The following COG1 variants were observed in gnomAD, a reference collection of about 807,000 sequenced individuals.
The protein encoded by COG1 is component of oligomeric golgi complex 1.
In COG1, 61 loss-of-function variants were observed where a neutral mutation model predicts 102.2. The ratio of observed to expected loss-of-function variants is 0.60; its 90% CI spans 0.49 to 0.74. The LOEUF is 0.74. COG1 is among the 30% of genes least tolerant of loss of function. The pLI, the probability that COG1 is intolerant of heterozygous loss-of-function variation, is 0.00. For synonymous variants in COG1, 454 were observed against 493.6 expected, an observed-to-expected ratio of 0.92 and a Z score of 1.06; for missense variants, 1,164 against 1,232.1, an observed-to-expected ratio of 0.94 and a Z score of 0.83.
chr17:73,197,254 A>G lies in COG1; in HGVS notation c.771A>G (p.Ser257=), dbSNP rs1421383084. Residue 257 remains serine, a synonymous_variant, in exon 4 of 14, where the codon TCA becomes TCG. Transcript: ENST00000299886. ...HGAGIKAQIC[S]LVELLATTLK... ...CTGGTATCAAGGCTCAGATTTGCTC[A>G]TTAGTGGAGTTGCTGGCCACCACTC... The G allele has an allele frequency of 1.2e-6, 2 of 1,614,222 alleles. No homozygotes were observed. The highest frequency in any genetic ancestry group is 1.7e-6 in the Non-Finnish European group (2 of 1,180,046).
chr17:73,201,701 G>C lies in COG1; in HGVS notation c.1874G>C (p.Cys625Ser). 1 of 1,614,206 alleles carries C rather than the reference G, an allele frequency of 6.2e-7. No homozygotes were observed. The highest frequency in any genetic ancestry group is 8.5e-7 in the Non-Finnish European group (1 of 1,180,032). Residue 625 changes from cysteine to serine, a missense_variant, in exon 7 of 14, where the codon TGC becomes TCC. By Grantham distance (112) the Cys-to-Ser change is moderately radical (BLOSUM62 -1). Coordinates refer to ENST00000299886, the MANE Select transcript of COG1 (RefSeq NM_018714.3). The stretch of plus-strand genomic sequence containing the variant: ...CTCTGCCAGTCCCTGGGAGAGCTGT[G>C]CCCCCATCTGAAGCAGTGCATCCTG... ...ARLCQSLGEL[C>S]PHLKQCILGK...
At chr17:73,204,344 A>G (rs1171328315) in intron 9 of COG1, among the ~76,000 whole-genome samples, 1 of 152,034 alleles carries the variant, frequency 6.6e-6, no homozygotes, top group African/African-American at 2.4e-5. Context: ...TGGTTTCCTC[A>G]CTTGTAAAAG....
At chr17:73,198,885 G>C (rs1022745398) in intron 4 of COG1, among the ~76,000 whole-genome samples, 2 of 152,220 alleles carry the variant, frequency 1.3e-5, no homozygotes, top group Admixed American at 1.3e-4. Context: ...AGAAGAGTGC[G>C]GTGGTGGCCA....
chr17:73,197,568 C>T (rs1266240455), intron 4 of COG1, among the ~76,000 whole-genome samples, 172 bp downstream of exon 4: 2 of 152,244 alleles, frequency 1.3e-5, no homozygotes, highest in Non-Finnish European at 2.9e-5. Context: ...AGGTATCAGA[C>T]TCACAAATAT....
intron 13 of COG1, 111 bp downstream of exon 13, chr17:73,207,367 C>A: frequency 1.0e-6 from 1 of 995,430 alleles, no homozygotes; most frequent in Non-Finnish European, 1.6e-6. Context: ...TGACAAAATG[C>A]ACTAATGCTG....
In COG1 at chr17:73,207,450, C is replaced by T. The variant is rs143089798; in HGVS notation, c.2805+194C>T. On this transcript the variant is annotated intron_variant, in intron 13 of 13. Transcript: ENST00000299886. ...GCTACTAGAAGGTGTAAAAGATGCC[C>T]GCTGACACTACCAAGTAGCCTCTTA... 2.9e-4 allele frequency: 203 copies of T among 701,408 alleles called. No individual in the cohort carries two copies. The African/African-American group carries it at 3.0e-3, about 10-fold the overall frequency. The allele number at this position is 701,408 out of a possible 1,614,324, so 43.4% of individuals were successfully genotyped here. A position where few individuals can be genotyped will look rare whatever the true frequency, so the allele number is the denominator to read the frequency against.
At position 73,193,371 on chromosome 17, in the gene COG1, C is replaced by T; in HGVS notation, c.302C>T (p.Pro101Leu). Residue 101 changes from proline to leucine, a missense_variant, in exon 1 of 14, where the codon CCG becomes CTG. Transcript: ENST00000299886. ...GCCGGCTCGGCCGCGCCCCGGCCAC[C>T]GCGGGCCCAGCAGGTCAGTCCCCGT... ...RQAGSAAPRP[P>L]RAQQPQQPSQ... The T allele has an allele frequency of 6.7e-7, 1 of 1,490,292 alleles. No individual in the cohort carries two copies. Among genetic ancestry groups the T allele is most frequent in the South Asian group, 1.3e-5 (1 of 75,582 alleles). 92.3% of individuals were successfully genotyped at this position (1,490,292 alleles called of 1,614,324 possible).
At position 73,193,145 on chromosome 17, in the gene COG1, G is replaced by T; in HGVS notation, c.76G>T (p.Gly26Ter). 1.2e-6 allele frequency: 2 copies of T among 1,609,842 alleles called. No homozygotes were observed. The highest frequency in any genetic ancestry group is 1.7e-6 in the Non-Finnish European group (2 of 1,178,816). Residue 26 changes from glycine (G) to a stop codon, truncating the protein, a stop_gained, in exon 1 of 14, where the codon GGA (glycine) becomes TGA (stop). Coordinates refer to ENST00000299886, the MANE Select transcript of COG1 (RefSeq NM_018714.3). LOFTEE classifies it high-confidence loss of function. ...RDPAALFETH[G>*]AEEIRGLERQ... ...CCCTGCGGCTCTTTTCGAGACGCAT[G>T]GAGCGGAGGAGATCCGCGGGCTGGA...
rs376440233 is a variant in COG1 at position 73,200,595 on chromosome 17, C to T, written c.1100C>T (p.Thr367Ile). 2 of 1,614,124 alleles carry T rather than the reference C, an allele frequency of 1.2e-6. No homozygotes were observed. The highest frequency in any genetic ancestry group is 1.7e-6 in the Non-Finnish European group (2 of 1,180,018). Residue 367 changes from threonine (T) to isoleucine (I), a missense_variant, in exon 6 of 14, where the codon ACC (threonine) becomes ATC (isoleucine). Transcript: ENST00000299886. ...MCNEDIKNGITNLLMYVKSMK... is the reference protein window; with the variant it reads ...MCNEDIKNGIINLLMYVKSMK... ...AATGAAGACATTAAAAATGGGATCA[C>T]CAACCTGCTCATGTACGTGAAGAGC... is the stretch of plus-strand genomic sequence containing the variant.
In COG1 at chr17:73,200,550, C is replaced by T. The variant is rs1313857543; in HGVS notation, c.1071-16C>T. 6.2e-7 allele frequency: 1 copy of T among 1,609,396 alleles called. No individual in the cohort carries two copies. Among genetic ancestry groups the T allele is most frequent in the African/African-American group, 1.3e-5 (1 of 74,920 alleles). On this transcript the variant is annotated splice_polypyrimidine_tract_variant and intron_variant, in intron 5 of 13. Coordinates refer to ENST00000299886, the MANE Select transcript of COG1 (RefSeq NM_018714.3). Reference sequence around the variant, plus strand: ...CATGCCTCTGATGGAGCCCAAAGAACATGATTCTGTTGCAGGTGTAATGAA... The same window carrying T: ...CATGCCTCTGATGGAGCCCAAAGAATATGATTCTGTTGCAGGTGTAATGAA...
chr17:73,193,164 G>A lies in COG1; in HGVS notation c.95G>A (p.Gly32Glu). 2 of 1,608,416 alleles carry A rather than the reference G, an allele frequency of 1.2e-6. No individual in the cohort carries two copies. Among genetic ancestry groups the A allele is most frequent in the South Asian group, 1.1e-5 (1 of 90,092 alleles). ...FETHGAEEIR[G>E]LERQVRAEIE... ...ACGCATGGAGCGGAGGAGATCCGCG[G>A]GCTGGAGCGCCAGGTTCGGGCCGAG... Residue 32 changes from glycine (G) to glutamate (E), a missense_variant, in exon 1 of 14, where the codon GGG becomes GAG. Gly to Glu is a moderately conservative substitution (Grantham distance 98). Coordinates refer to ENST00000299886, the MANE Select transcript of COG1 (RefSeq NM_018714.3).
At chr17:73,200,432 A>G in intron 5 of COG1, 134 bp from the exon 6 acceptor site, 1 of 913,720 alleles carries the variant, frequency 1.1e-6, no homozygotes, top group Non-Finnish European at 1.8e-6. Context: ...CAGGTCTATC[A>G]ACACTGAGAC....
Position 73,193,222 on chromosome 17 carries a change from G to A in COG1, c.153G>A (p.Met51Ile), listed in dbSNP as rs976164079. ...IEHKKEELRQ[M>I]VGERYRDLIE... ...ACAAGAAGGAGGAGCTGCGGCAGAT[G>A]GTGGGCGAACGGTACCGCGACCTGA... The change falls in exon 1 of 14, where the codon ATG (methionine) becomes ATA (isoleucine). Residue 51 changes from methionine (M) to isoleucine (I), a missense_variant. Physicochemically the swap from Met to Ile is conservative, Grantham distance 10. Coordinates refer to ENST00000299886, the MANE Select transcript of COG1 (RefSeq NM_018714.3). 14 of 1,609,024 alleles carry A rather than the reference G, an allele frequency of 8.7e-6. No homozygotes were observed. Among genetic ancestry groups the A allele is most frequent in the African/African-American group, 1.3e-5 (1 of 74,980 alleles).
At chr17:73,197,765 C>G (rs2061331376) in intron 4 of COG1, among the ~76,000 whole-genome samples, 1 of 152,120 alleles carries the variant, frequency 6.6e-6, no homozygotes, top group African/African-American at 2.4e-5. Context: ...GGCTTTCAGG[C>G]AAAGGGAAGA....
chr17:73,197,518 G>T, intron 4 of COG1, 122 bp downstream of exon 4: 2 of 1,044,380 alleles, frequency 1.9e-6, no homozygotes, highest in Non-Finnish European at 2.9e-6. Flanking sequence ...GACAAATAGA[G>T]GCCCTTCCTT....
chr17:73,198,595 G>A (rs1386261415), intron 4 of COG1, among the ~76,000 whole-genome samples: 2 of 151,880 alleles, frequency 1.3e-5, no homozygotes, highest in Non-Finnish European at 2.9e-5. Flanking sequence ...TTAAAAAAAC[G>A]AAAGAGAGAA....
intron 2 of COG1, 27 bp downstream of exon 2, chr17:73,196,778 C>T: frequency 6.2e-7 from 1 of 1,614,136 alleles, no homozygotes; most frequent in African/African-American, 1.3e-5. Flanking sequence ...CAAAGAGCTG[C>T]TCTGGTGGTG....
rs755596131 is a variant in COG1 at position 73,197,293 on chromosome 17, T to C, written c.810T>C (p.His270=). The change falls in exon 4 of 14, where the codon CAT becomes CAC. Residue 270 remains histidine, a synonymous_variant. Coordinates refer to ENST00000299886, the MANE Select transcript of COG1 (RefSeq NM_018714.3). ...TGGCCACCACTCTGAAGCAAGCTCA[T>C]GCCCTTTTCTACACTTTGCCAGAAG... ...ELLATTLKQA[H]ALFYTLPEGL... 1.4e-5 allele frequency: 23 copies of C among 1,614,126 alleles called. No homozygotes were observed. Among genetic ancestry groups the C allele is most frequent in the Non-Finnish European group, 1.8e-5 (21 of 1,180,052 alleles).
intron 12 of COG1, 70 bp downstream of exon 12, chr17:73,206,887 C>A (rs1162418683): frequency 9.3e-7 from 1 of 1,076,760 alleles, no homozygotes; most frequent in Non-Finnish European, 1.4e-6. Context: ...GTCAGGAGAT[C>A]GAGACCATCC....
Sources: allele counts gnomAD v4.1 joint callset (sites outside exome capture counted in the v4.1 genomes callset), GRCh38; gene constraint gnomAD v4.1.1; transcripts MANE v1.5; gene names NCBI Gene and HGNC (gene_info 2026-07-23, HGNC 2026-07-21).